Variants in ACYP2 observed in about 807,000 individuals in gnomAD.
ACYP2 encodes acylphosphatase 2.
Under a neutral mutation model 11.2 loss-of-function variants are expected in ACYP2, and 12 were observed. The ratio of observed to expected loss-of-function variants is 1.08; its 90% CI spans 0.69 to 1.74. The LOEUF is 1.74. Among genes scored for constraint, ACYP2 ranks in the 40% most tolerant of loss-of-function variants. ACYP2 has a pLI of 0.00. For synonymous variants in ACYP2, 43 were observed against 32.2 expected, an observed-to-expected ratio of 1.33 and a Z score of -1.13; for missense variants, 134 against 101.9, an observed-to-expected ratio of 1.31 and a Z score of -1.35.
At chr2:54,286,537 A>G (rs1443649988) in intron 6 of ACYP2, among the ~76,000 whole-genome samples, 2 of 152,036 alleles carry the variant, frequency 1.3e-5, no homozygotes, top group African/African-American at 2.4e-5. Flanking sequence ...ATCTATGTCT[A>G]TCAGAGAACA....
rs796131422 is a variant in ACYP2, at chr2:54,222,429, A to G, written c.405-82259A>G. On this transcript the variant is annotated intron_variant, in intron 6 of 6. Coordinates refer to ENST00000607452, the MANE Select transcript of ACYP2 (RefSeq NM_001320586.2). ...GCCAGTTGTGGTGGCACATGCCTGTAAACCCAGCTACTCAGGAGGCTGAGG... is the reference window on the plus strand; with the variant it reads ...GCCAGTTGTGGTGGCACATGCCTGTGAACCCAGCTACTCAGGAGGCTGAGG... 7.2e-5 allele frequency among the ~76,000 whole-genome samples: 11 copies of G among 152,146 alleles called. 1 individual carries two copies. The highest frequency in any genetic ancestry group is 2.7e-4 in the African/African-American group (11 of 41,508).
rs1396129870 is a variant in ACYP2 at position 53,987,181 on chromosome 2, G to A, written c.62+13371G>A. 3.9e-5 allele frequency among the ~76,000 whole-genome samples: 6 copies of A among 152,134 alleles called. No homozygotes were observed. The East Asian group carries it at 1.2e-3, about 29-fold the overall frequency. On this transcript the variant is annotated intron_variant, in intron 2 of 6. Transcript: ENST00000607452. ...ACAAAGTGGTCACACCTGAGGGTAG[G>A]GTACAGAATGGAAGAGGACATGAAA...
chr2:53,977,762 C>G (rs1458667662), intron 2 of ACYP2, among the ~76,000 whole-genome samples: 1 of 150,734 alleles, frequency 6.6e-6, no homozygotes, highest in African/African-American at 2.4e-5. Context: ...GCCCAAGTCA[C>G]TTGCTGTTTC....
At position 54,147,107 on chromosome 2, in the gene ACYP2, T is replaced by G. The variant is rs1248785756; in HGVS notation, c.404+8359T>G. Among the ~76,000 whole-genome samples the G allele has an allele frequency of 2.0e-5, 3 of 152,136 alleles. No homozygotes were observed. In the East Asian group the frequency reaches 5.8e-4, roughly 29 times the overall value. On this transcript the variant is annotated intron_variant, in intron 6 of 6. Transcript: ENST00000607452. ...CACCGTGCCTGGCTGCTTTTTGCAT[T>G]GTTTCTATTTCTTCTAAGTTACTTT...
intron 6 of ACYP2, among the ~76,000 whole-genome samples, chr2:54,240,790 AC>A (rs1686699133): frequency 6.6e-6 from 1 of 152,192 alleles, no homozygotes; most frequent in South Asian, 2.1e-4. Context: ...GGCATCTGTT[AC>A]CTAACATTCT....
At chr2:53,993,433 C>T (rs6734917) in intron 2 of ACYP2, among the ~76,000 whole-genome samples, 54 of 152,052 alleles carry the variant, frequency 3.6e-4, no homozygotes, top group African/African-American at 9.6e-4. Flanking sequence ...TCAGGCCGGG[C>T]GTGGTGGTTC....
intron 4 of ACYP2, among the ~76,000 whole-genome samples, chr2:54,122,096 C>T (rs529705108): frequency 5.0e-4 from 76 of 152,306 alleles, no homozygotes; most frequent in African/African-American, 1.8e-3. Context: ...AAGATATTTA[C>T]AGTCATTAAG....
chr2:54,001,304 T>G (rs915403491), intron 2 of ACYP2, among the ~76,000 whole-genome samples: 2 of 152,066 alleles, frequency 1.3e-5, no homozygotes, highest in Admixed American at 1.3e-4. Context: ...GAAGCTGCAG[T>G]CACATGTTTG....
At chr2:54,097,393 A>C (rs184429782) in intron 4 of ACYP2, among the ~76,000 whole-genome samples, 2 of 152,350 alleles carry the variant, frequency 1.3e-5, no homozygotes, top group East Asian at 1.9e-4. Context: ...AGGACTCAGT[A>C]AGTATTCATT....
chr2:54,293,347 G>T (rs762271608), intron 6 of ACYP2, among the ~76,000 whole-genome samples: 4 of 152,198 alleles, frequency 2.6e-5, no homozygotes, highest in Non-Finnish European at 5.9e-5. Flanking sequence ...ACAGGTTATA[G>T]TCATCCCCTC....
At chr2:54,153,895 T>C (rs1207304627) in intron 6 of ACYP2, among the ~76,000 whole-genome samples, 1 of 152,126 alleles carries the variant, frequency 6.6e-6, no homozygotes, top group Non-Finnish European at 1.5e-5. Context: ...CCACCGCACC[T>C]GGCCCGTAGT....
chr2:54,010,737 CT>C (rs539896151), intron 2 of ACYP2, among the ~76,000 whole-genome samples: 312 of 107,540 alleles, frequency 2.9e-3, no homozygotes, highest in Admixed American at 4.7e-3. Flanking sequence ...TTCTTTCTTT[CT>C]TTTTTTTTTT....
intron 2 of ACYP2, among the ~76,000 whole-genome samples, chr2:53,982,512 A>G (rs993447412): frequency 1.3e-5 from 2 of 152,166 alleles, no homozygotes; most frequent in Non-Finnish European, 2.9e-5. Flanking sequence ...AACAGACAAA[A>G]CTATAACCAA....
At chr2:53,997,124 C>T (rs1246312230) in intron 2 of ACYP2, among the ~76,000 whole-genome samples, 1 of 152,106 alleles carries the variant, frequency 6.6e-6, no homozygotes, top group African/African-American at 2.4e-5. Flanking sequence ...ACCTTCTACC[C>T]CATTTGACAA....
chr2:54,304,386 G>A (rs1469650055), intron 6 of ACYP2, among the ~76,000 whole-genome samples: 4 of 152,082 alleles, frequency 2.6e-5, no homozygotes, highest in African/African-American at 9.7e-5. Context: ...GAGTATAAGA[G>A]CCAGGTAACA....
intron 6 of ACYP2, among the ~76,000 whole-genome samples, chr2:54,214,026 C>A (rs1427454024): frequency 2.0e-5 from 3 of 152,068 alleles, no homozygotes; most frequent in African/African-American, 7.2e-5. Context: ...TCCTGAAGTG[C>A]TGGGATTACA....
At chr2:54,273,461 A>T (rs866193895) in intron 6 of ACYP2, among the ~76,000 whole-genome samples, 4 of 152,050 alleles carry the variant, frequency 2.6e-5, no homozygotes, top group African/African-American at 7.2e-5. Context: ...TAACATTTCT[A>T]AACTTTTTGT....
chr2:54,074,718 T>C (rs1436375144), intron 4 of ACYP2, among the ~76,000 whole-genome samples: 1 of 152,046 alleles, frequency 6.6e-6, no homozygotes, highest in Non-Finnish European at 1.5e-5. Context: ...CACACAGTTA[T>C]GGAGATTGAC....
chr2:54,125,799 A>G (rs1242320189), intron 4 of ACYP2, among the ~76,000 whole-genome samples: 1 of 148,996 alleles, frequency 6.7e-6, no homozygotes, highest in Non-Finnish European at 1.5e-5. Flanking sequence ...AAGGGGATTC[A>G]GGCTGGGCAC....
Sources: gnomAD v4.1 joint callset for allele counts (sites outside exome capture counted in the v4.1 genomes callset) on GRCh38, gnomAD v4.1.1 for gene constraint, MANE v1.5 for transcripts, NCBI Gene and HGNC (gene_info 2026-07-23, HGNC 2026-07-21) for gene names.